The following DIP2B variants were observed in gnomAD, a reference collection of about 807,000 sequenced individuals.
The protein encoded by DIP2B is DIP2 acetate--CoA ligase B (putative).
Under a neutral mutation model 198.0 loss-of-function variants are expected in DIP2B, and 76 were observed. The observed-to-expected ratio is 0.38, with a 90% CI of 0.32 to 0.46. The LOEUF is 0.46. Ranked by LOEUF, DIP2B falls within the 20% of genes least tolerant of loss-of-function variation. The probability of loss-of-function intolerance (pLI) is 0.99; values close to 1 mark genes in which losing one functional copy is unlikely to be tolerated. For synonymous variants in DIP2B, 701 were observed against 739.1 expected (o/e 0.95, Z 0.84); for missense variants, 1,559 against 1,978.4 (o/e 0.79, Z 4.02).
chr12:50,610,557 G>A (rs1172730380), intron 1 of DIP2B, among the ~76,000 whole-genome samples: 1 of 151,434 alleles, frequency 6.6e-6, no homozygotes, highest in African/African-American at 2.4e-5. Flanking sequence ...CCAGGCTAGA[G>A]TGCAGTGGCG....
chr12:50,690,321 T>C (rs746234459), intron 12 of DIP2B, among the ~76,000 whole-genome samples: 12 of 152,112 alleles, frequency 7.9e-5, no homozygotes, highest in Non-Finnish European at 1.3e-4. Flanking sequence ...CTCCTGACCT[T>C]GTGATCCGCC....
chr12:50,546,796 A>T (rs949019838), intron 1 of DIP2B, among the ~76,000 whole-genome samples: 5 of 152,198 alleles, frequency 3.3e-5, no homozygotes, highest in Admixed American at 6.5e-5. Flanking sequence ...TTATGAACTT[A>T]TCACAGCCCC....
chr12:50,665,523 CT>C (rs1938736746), intron 4 of DIP2B, among the ~76,000 whole-genome samples: 1 of 152,118 alleles, frequency 6.6e-6, no homozygotes, highest in Non-Finnish European at 1.5e-5. Flanking sequence ...CCCGAGGATC[CT>C]TTCAGCCCAG....
rs535794570 is a variant in DIP2B at position 50,664,711 on chromosome 12, C to CT, written c.427+4392_427+4393insT. 3.7e-4 allele frequency among the ~76,000 whole-genome samples: 57 copies of CT among 152,076 alleles called. No individual in the cohort carries two copies. In the East Asian group the frequency reaches 6.6e-3, roughly 18 times the overall value. On this transcript the variant is annotated intron_variant, in intron 4 of 37. Transcript: ENST00000301180. ...AATAGACCACATAATGACCCTAAAG[C>CT]ACAGTAAGCTATTTCAACTAGCTTA...
At position 50,686,682 on chromosome 12, in the gene DIP2B, G is replaced by A. The variant is rs1226702279; in HGVS notation, c.1551G>A (p.Glu517=). 8.1e-6 allele frequency: 13 copies of A among 1,613,210 alleles called. No individual in the cohort carries two copies. The Admixed American group carries it at 8.4e-5, about 10-fold the overall frequency. The change falls in exon 12 of 38, where the codon GAG becomes GAA. Residue 517 remains glutamate (E), a splice_region_variant and synonymous_variant. Coordinates refer to ENST00000301180, the MANE Select transcript of DIP2B (RefSeq NM_173602.3). ...CTGGGACAGAACCGGCATACATTGA[G>A]GTAAGTCCTAAGATGTAAAATATGC... is the stretch of plus-strand genomic sequence containing the variant. The part of the protein sequence containing the change: ...SPAGTEPAYI[E]YKTSKEGSVM...
intron 16 of DIP2B, among the ~76,000 whole-genome samples, chr12:50,696,640 CAT>C (rs1431864927): frequency 6.6e-6 from 1 of 152,166 alleles, no homozygotes. Flanking sequence ...CATTGATCAT[CAT>C]AGTTTAAAAC....
intron 1 of DIP2B, among the ~76,000 whole-genome samples, chr12:50,580,319 C>T (rs148742660): frequency 6.7e-6 from 1 of 148,724 alleles, no homozygotes; most frequent in Non-Finnish European, 1.5e-5. Context: ...GTAAAGGGCT[C>T]CAGTTTCCTG....
At chr12:50,656,858 C>T (rs1938563253) in intron 3 of DIP2B, 1 of 152,172 alleles carries the variant, frequency 6.6e-6, no homozygotes, top group Admixed American at 6.5e-5. Flanking sequence ...AGGCATGAGT[C>T]ACCATGCTGG....
In DIP2B at chr12:50,721,325, G is replaced by A; in HGVS notation, c.3095G>A (p.Arg1032Lys). The A allele has an allele frequency of 6.2e-7, 1 of 1,614,192 alleles. No individual in the cohort carries two copies. The highest frequency in any genetic ancestry group is 8.5e-7 in the Non-Finnish European group (1 of 1,180,032). The change falls in exon 26 of 38, where the codon AGG becomes AAG. Residue 1032 changes from arginine to lysine, a missense_variant. Arg to Lys is a conservative substitution (Grantham distance 26). Coordinates refer to ENST00000301180, the MANE Select transcript of DIP2B (RefSeq NM_173602.3). ...SCLQLHKRAE[R>K]IASVLGDKGH... is the part of the protein sequence containing the mutation. ...CTTCAGCTTCATAAGCGAGCAGAGA[G>A]GATTGCATCTGTTCTTGGTGATAAG...
intron 3 of DIP2B, among the ~76,000 whole-genome samples, chr12:50,651,548 A>G (rs944244396): frequency 1.3e-5 from 2 of 151,930 alleles, no homozygotes; most frequent in Non-Finnish European, 2.9e-5. Flanking sequence ...TTGCATGTGG[A>G]TATTCAGTTT....
Position 50,671,219 on chromosome 12 carries a change from T to C in DIP2B, c.461T>C (p.Leu154Pro). ...TCGGCCTCTGAGGATGAGGGCTCTC[T>C]GAGACGCCAAGCTGCGCTCTCTGCT... ...TSSASEDEGS[L>P]RRQAALSAAL... The change falls in exon 5 of 38, where the codon CTG becomes CCG. Residue 154 changes from leucine (L) to proline (P), a missense_variant. Leu to Pro is a moderately conservative substitution (Grantham distance 98). Transcript: ENST00000301180. The C allele has an allele frequency of 2.5e-6, 4 of 1,614,204 alleles. No homozygotes were observed. Among genetic ancestry groups the C allele is most frequent in the Non-Finnish European group, 3.4e-6 (4 of 1,180,024 alleles).
chr12:50,691,712 A>C (rs1041855971), intron 13 of DIP2B, among the ~76,000 whole-genome samples: 1 of 152,118 alleles, frequency 6.6e-6, no homozygotes, highest in Admixed American at 6.6e-5. Flanking sequence ...AATTATATAT[A>C]TATACGCACA....
At chr12:50,702,661 G>T (rs1351516338) in intron 19 of DIP2B, among the ~76,000 whole-genome samples, 1 of 135,918 alleles carries the variant, frequency 7.4e-6, no homozygotes, top group Non-Finnish European at 1.5e-5. Context: ...GTTCAAGGCT[G>T]TACTGAACCA....
chr12:50,603,015 T>C (rs1398702926), intron 1 of DIP2B, among the ~76,000 whole-genome samples: 1 of 150,434 alleles, frequency 6.6e-6, no homozygotes, highest in African/African-American at 2.4e-5. Context: ...ATACAAAAAA[T>C]TAGCCGGGCG....
At chr12:50,550,810 T>G (rs1228591625) in intron 1 of DIP2B, among the ~76,000 whole-genome samples, 1 of 152,120 alleles carries the variant, frequency 6.6e-6, no homozygotes, top group Non-Finnish European at 1.5e-5. Flanking sequence ...AGCTACAGAT[T>G]TAAGGTTTAT....
At chr12:50,634,580 T>C (rs1252283665) in intron 2 of DIP2B, among the ~76,000 whole-genome samples, 4 of 152,192 alleles carry the variant, frequency 2.6e-5, no homozygotes, top group African/African-American at 4.8e-5. Context: ...GTCACTCTAC[T>C]TAGGGGTTTG....
intron 1 of DIP2B, among the ~76,000 whole-genome samples, chr12:50,541,552 T>G (rs1958326162): frequency 6.6e-6 from 1 of 152,174 alleles, no homozygotes. Context: ...AATTTTAGAC[T>G]AGATTTCCTC....
chr12:50,520,163 C>T (rs1447427393), intron 1 of DIP2B, among the ~76,000 whole-genome samples: 4 of 151,502 alleles, frequency 2.6e-5, no homozygotes, highest in African/African-American at 7.3e-5. Context: ...TCAGCCTCCC[C>T]AGTAGCTGAG....
intron 2 of DIP2B, among the ~76,000 whole-genome samples, chr12:50,633,807 G>A (rs1020238998): frequency 1.3e-5 from 2 of 152,012 alleles, no homozygotes; most frequent in African/African-American, 4.8e-5. Flanking sequence ...GCATCATAGG[G>A]ATTAGGTTCT....
Sources: gnomAD v4.1 joint callset for allele counts (sites outside exome capture counted in the v4.1 genomes callset) on GRCh38, gnomAD v4.1.1 for gene constraint, MANE v1.5 for transcripts, NCBI Gene and HGNC (gene_info 2026-07-23, HGNC 2026-07-21) for gene names.